Variants in TNR observed in about 807,000 individuals in gnomAD.
The protein encoded by TNR is tenascin R.
In TNR, 45 loss-of-function variants were observed where a neutral mutation model predicts 150.4. The ratio of observed to expected loss-of-function variants is 0.30; its 90% confidence interval spans 0.24 to 0.38. The LOEUF (loss-of-function observed/expected upper bound fraction) is 0.38. Ranked by LOEUF, TNR falls within the 10% of genes least tolerant of loss-of-function variation. The pLI is 1.00. For synonymous variants in TNR, 687 were observed against 678.4 expected, an observed-to-expected ratio of 1.01 and a Z score of -0.20; for missense variants, 1,544 against 1,759.1, an observed-to-expected ratio of 0.88 and a Z score of 2.19.
Position 175,398,360 on chromosome 1 carries a change from T to A in TNR, c.977-1553A>T, listed in dbSNP as rs59845362. On this transcript the variant is annotated intron_variant, in intron 4 of 22. Transcript: ENST00000367674. ...ACAAAAATTAAAAAAAATTTTTGTT[T>A]AAAATTTATAAAACTCAAGAAGTGT... Among the ~76,000 whole-genome samples, 475 of 152,344 alleles carry A rather than the reference T, an allele frequency of 3.1e-3. 2 individuals are homozygous for A. The highest frequency in any genetic ancestry group is 0.011 in the African/African-American group (458 of 41,572).
intron 1 of TNR, among the ~76,000 whole-genome samples, chr1:175,618,211 C>T (rs550875957): frequency 7.2e-5 from 11 of 152,248 alleles, no homozygotes; most frequent in African/African-American, 2.6e-4. Flanking sequence ...ATGTTTATTG[C>T]CCACTAATCA....
In TNR at chr1:175,335,816, G is replaced by C; in HGVS notation, c.3535-9C>G. 1 of 1,598,556 alleles carries C rather than the reference G, an allele frequency of 6.3e-7. No homozygotes were observed. The highest frequency in any genetic ancestry group is 8.5e-7 in the Non-Finnish European group (1 of 1,174,888). ...TGCCGCCTCTGGAATACCTATGAAG[G>C]AAATAAAAAAACAAAAAACAAACAA... On this transcript the variant is annotated splice_polypyrimidine_tract_variant and intron_variant, in intron 19 of 22. Transcript: ENST00000367674.
chr1:175,569,101 C>T (rs778267153), intron 1 of TNR, among the ~76,000 whole-genome samples: 2 of 152,028 alleles, frequency 1.3e-5, no homozygotes, highest in African/African-American at 2.4e-5. Flanking sequence ...CAAAGAAAGC[C>T]GATAAGTTAA....
At chr1:175,575,923 G>A (rs72725454) in intron 1 of TNR, among the ~76,000 whole-genome samples, 3,214 of 152,274 alleles carry the variant, frequency 0.021, 48 homozygotes, top group Non-Finnish European at 0.033. Context: ...GGGGGCAAAG[G>A]AAAAGGTGTG....
intron 12 of TNR, 98 bp from the exon 13 acceptor site, chr1:175,363,925 C>T: frequency 7.0e-7 from 1 of 1,435,664 alleles, no homozygotes; most frequent in Non-Finnish European, 9.4e-7. Flanking sequence ...CCAATGTTGT[C>T]CCAAAGGCAG....
At chr1:175,331,082 T>TTTCTTTCTTTCC (rs1649837306) in intron 20 of TNR, among the ~76,000 whole-genome samples, 14 of 86,530 alleles carry the variant, frequency 1.6e-4, no homozygotes, top group East Asian at 4.2e-4. Flanking sequence ...TCTTTCCTTC[T>TTTCTTTCTTTCC]TTCTTTCTTT....
intron 8 of TNR, among the ~76,000 whole-genome samples, chr1:175,385,165 T>A (rs1652861698): frequency 6.6e-6 from 1 of 152,200 alleles, no homozygotes; most frequent in African/African-American, 2.4e-5. Context: ...GCAAAGAGGA[T>A]GAGACTGAGA....
At chr1:175,613,546 G>T (rs904076313) in intron 1 of TNR, among the ~76,000 whole-genome samples, 5 of 149,968 alleles carry the variant, frequency 3.3e-5, no homozygotes, top group African/African-American at 1.2e-4. Flanking sequence ...ATTGGAGCCT[G>T]CCCTCTGTAG....
intron 1 of TNR, among the ~76,000 whole-genome samples, chr1:175,717,926 C>T (rs537115093): frequency 6.6e-5 from 10 of 152,308 alleles, no homozygotes; most frequent in African/African-American, 2.4e-4. Flanking sequence ...CAGCTTCCCC[C>T]AGCAAGTGCT....
At chr1:175,363,560 G>T in intron 13 of TNR, 148 bp downstream of exon 13, 1 of 1,046,308 alleles carries the variant, frequency 9.6e-7, no homozygotes, top group Non-Finnish European at 1.4e-6. Flanking sequence ...TTTCTTGGCT[G>T]CTCACCAGCC....
chr1:175,331,333 G>A (rs1031668133), intron 20 of TNR, among the ~76,000 whole-genome samples: 8 of 138,768 alleles, frequency 5.8e-5, no homozygotes, highest in Non-Finnish European at 1.1e-4. Flanking sequence ...GCACAATCTC[G>A]GCTCACTGCA....
intron 1 of TNR, among the ~76,000 whole-genome samples, chr1:175,637,422 T>G (rs983790447): frequency 6.6e-6 from 1 of 152,208 alleles, no homozygotes; most frequent in African/African-American, 2.4e-5. Context: ...AAATCTTATC[T>G]CCTAACTCAC....
chr1:175,467,948 A>T (rs1230682134), intron 2 of TNR, among the ~76,000 whole-genome samples: 2 of 152,224 alleles, frequency 1.3e-5, no homozygotes, highest in East Asian at 3.8e-4. Flanking sequence ...TAAAGTACTA[A>T]CATAAATATG....
At position 175,359,630 on chromosome 1, in the gene TNR, C is replaced by A; in HGVS notation, c.2956G>T (p.Val986Phe). 6.2e-7 allele frequency: 1 copy of A among 1,613,708 alleles called. No individual in the cohort carries two copies. The highest frequency in any genetic ancestry group is 8.5e-7 in the Non-Finnish European group (1 of 1,179,814). ...CACCCACCTGCAAAGTGTGTAAGAA[C>A]AATGACGTAGTTCTCCACCTCACCC... The part of the protein sequence containing the change: ...PVGEVENYVI[V>F]LTHFAVAGET... Residue 986 changes from valine (V) to phenylalanine (F), a missense_variant, in exon 15 of 23, where the codon GTT becomes TTT. Physicochemically the swap from Val to Phe is conservative, Grantham distance 50. Transcript: ENST00000367674.
intron 1 of TNR, among the ~76,000 whole-genome samples, chr1:175,593,691 C>A (rs991363812): frequency 2.0e-5 from 3 of 152,178 alleles, no homozygotes; most frequent in East Asian, 1.9e-4. Context: ...CTGTCACTAG[C>A]AGCCCCAGAG....
At chr1:175,331,338 A>G (rs981590973) in intron 20 of TNR, among the ~76,000 whole-genome samples, 1 of 140,074 alleles carries the variant, frequency 7.1e-6, no homozygotes, top group Non-Finnish European at 1.5e-5. Context: ...ATCTCGGCTC[A>G]CTGCAAGCTC....
chr1:175,725,758 T>C (rs1667460324), intron 1 of TNR, among the ~76,000 whole-genome samples: 1 of 152,030 alleles, frequency 6.6e-6, no homozygotes, highest in East Asian at 1.9e-4. Flanking sequence ...ATTAAGGAGG[T>C]AAAGTCAACA....
intron 20 of TNR, among the ~76,000 whole-genome samples, chr1:175,331,394 G>A (rs1198337659): frequency 6.6e-6 from 1 of 151,612 alleles, no homozygotes; most frequent in African/African-American, 2.4e-5. Flanking sequence ...CTCCCAAGTA[G>A]CTGGGACTAC....
chr1:175,539,867 T>C (rs1184414697), intron 1 of TNR, among the ~76,000 whole-genome samples: 1 of 152,158 alleles, frequency 6.6e-6, no homozygotes, highest in East Asian at 1.9e-4. Flanking sequence ...GCTCACACTA[T>C]AGCATAAACT....
Sources: allele counts gnomAD v4.1 joint callset (sites outside exome capture counted in the v4.1 genomes callset), GRCh38; gene constraint gnomAD v4.1.1; transcripts MANE v1.5; gene names NCBI Gene and HGNC (gene_info 2026-07-23, HGNC 2026-07-21).